Variants in TBCA observed in about 807,000 individuals in gnomAD.
TBCA encodes tubulin-specific chaperone A.
TBCA carries 6 observed loss-of-function variants against 15.8 expected under a neutral mutation model. The ratio of observed to expected loss-of-function variants is 0.38; its 90% confidence interval spans 0.21 to 0.75. The LOEUF is 0.75. TBCA is among the 30% of genes least tolerant of loss of function. The probability of loss-of-function intolerance (pLI) is 0.46; values close to 1 mark genes in which losing one functional copy is unlikely to be tolerated. For missense variants in TBCA, 90 were observed against 131.2 expected, an observed-to-expected ratio of 0.69 and a Z score of 1.53; for synonymous variants, 32 against 42.3, an observed-to-expected ratio of 0.76 and a Z score of 0.94.
At chr5:77,720,024 T>C (rs887315487) in intron 1 of TBCA, among the ~76,000 whole-genome samples, 2 of 152,164 alleles carry the variant, frequency 1.3e-5, no homozygotes, top group Admixed American at 1.3e-4. Flanking sequence ...TCCAGACCCA[T>C]ATCTCTAACT....
chr5:77,704,739 A>G (rs1746108262), intron 2 of TBCA, among the ~76,000 whole-genome samples: 1 of 152,244 alleles, frequency 6.6e-6, no homozygotes, highest in Non-Finnish European at 1.5e-5. Context: ...AAATGTATGT[A>G]GGTTGGCTAA....
At chr5:77,758,162 AG>A (rs1747520481) in intron 1 of TBCA, among the ~76,000 whole-genome samples, 1 of 152,128 alleles carries the variant, frequency 6.6e-6, no homozygotes, top group Non-Finnish European at 1.5e-5. Context: ...ATGAGGGAAG[AG>A]AGAGACCCTC....
At chr5:77,763,769 T>C (rs1747707903) in intron 1 of TBCA, among the ~76,000 whole-genome samples, 1 of 152,146 alleles carries the variant, frequency 6.6e-6, no homozygotes, top group Non-Finnish European at 1.5e-5. Context: ...GAGAAATAAA[T>C]TCTATCATTT....
At chr5:77,730,076 ATT>A in intron 1 of TBCA, among the ~76,000 whole-genome samples, 1 of 152,352 alleles carries the variant, frequency 6.6e-6, no homozygotes, top group African/African-American at 2.4e-5. Context: ...AAGCTTGGAT[ATT>A]CTGAAAGACT....
intron 1 of TBCA, among the ~76,000 whole-genome samples, chr5:77,767,092 A>G (rs1285360056): frequency 6.6e-6 from 1 of 152,258 alleles, no homozygotes; most frequent in East Asian, 1.9e-4. Flanking sequence ...ATACTATACT[A>G]GTAATGTAAG....
chr5:77,774,878 C>G (rs1435109181), intron 1 of TBCA, among the ~76,000 whole-genome samples: 3 of 151,786 alleles, frequency 2.0e-5, no homozygotes, highest in Non-Finnish European at 4.4e-5. Context: ...AAATAAATCT[C>G]AGGACCCCAA....
intron 1 of TBCA, among the ~76,000 whole-genome samples, chr5:77,734,812 A>G (rs1746859503): frequency 6.6e-6 from 1 of 152,186 alleles, no homozygotes; most frequent in South Asian, 2.1e-4. Context: ...CAATGCAGCA[A>G]TCTTCATTGT....
intron 2 of TBCA, among the ~76,000 whole-genome samples, chr5:77,701,132 G>A (rs1037720616): frequency 1.3e-5 from 2 of 152,072 alleles, no homozygotes; most frequent in South Asian, 4.1e-4. Context: ...GACAACCATA[G>A]AGTGGGAGAA....
intron 1 of TBCA, among the ~76,000 whole-genome samples, chr5:77,720,057 G>C (rs186673573): frequency 6.6e-6 from 1 of 152,074 alleles, no homozygotes; most frequent in East Asian, 1.9e-4. Context: ...TCTCTATTTA[G>C]ACATCCCCAC....
At chr5:77,709,011 C>G (rs1746214533) in intron 1 of TBCA, among the ~76,000 whole-genome samples, 1 of 144,928 alleles carries the variant, frequency 6.9e-6, no homozygotes, top group South Asian at 2.2e-4. Flanking sequence ...AATATGTCTT[C>G]CAAACCTTTA....
chr5:77,774,928 A>G (rs1478012422), intron 1 of TBCA, among the ~76,000 whole-genome samples: 2 of 151,622 alleles, frequency 1.3e-5, no homozygotes, highest in Non-Finnish European at 2.9e-5. Context: ...TGGGAATTGC[A>G]TCGAGCAAAC....
At chr5:77,763,551 T>TC (rs2112510790) in intron 1 of TBCA, among the ~76,000 whole-genome samples, 1 of 152,138 alleles carries the variant, frequency 6.6e-6, no homozygotes, top group Non-Finnish European at 1.5e-5. Context: ...GGAGATGGGG[T>TC]CTTTGGAAGG....
chr5:77,737,023 TTTGGGAATATAGGAGAATAACATC>T (rs1746924924), intron 1 of TBCA, among the ~76,000 whole-genome samples: 1 of 152,212 alleles, frequency 6.6e-6, no homozygotes, highest in African/African-American at 2.4e-5. Flanking sequence ...AGAAAAGACT[TTTGGGAATATAGGAGAATAACATC>T]CCAAAAAGTT....
At chr5:77,728,045 C>T (rs79227502) in intron 1 of TBCA, among the ~76,000 whole-genome samples, 2,351 of 152,150 alleles carry the variant, frequency 0.015, 52 homozygotes, top group African/African-American at 0.054. Context: ...TCATTCCCTC[C>T]TCAGAAGCAA....
At chr5:77,756,463 A>G (rs1446996339) in intron 1 of TBCA, among the ~76,000 whole-genome samples, 1 of 150,664 alleles carries the variant, frequency 6.6e-6, no homozygotes, top group Non-Finnish European at 1.5e-5. Flanking sequence ...AGCTGAGGAA[A>G]CACAATCTCT....
chr5:77,723,132 C>A (rs1228555958), intron 1 of TBCA, among the ~76,000 whole-genome samples: 2 of 151,554 alleles, frequency 1.3e-5, no homozygotes, highest in African/African-American at 4.8e-5. Context: ...ATTATAATGG[C>A]TGATGAAATG....
intron 1 of TBCA, among the ~76,000 whole-genome samples, chr5:77,749,175 C>G (rs907353367): frequency 3.9e-5 from 6 of 152,202 alleles, no homozygotes; most frequent in African/African-American, 1.4e-4. Context: ...CGCGAGAGAT[C>G]ACTTTTTAAT....
At chr5:77,746,102 G>C (rs909473868) in intron 1 of TBCA, among the ~76,000 whole-genome samples, 9 of 152,002 alleles carry the variant, frequency 5.9e-5, no homozygotes, top group African/African-American at 2.2e-4. Flanking sequence ...TCGGCCTTTA[G>C]AGATATCTGA....
At chr5:77,704,147 A>G (rs966498138) in intron 2 of TBCA, among the ~76,000 whole-genome samples, 11 of 152,150 alleles carry the variant, frequency 7.2e-5, no homozygotes, top group African/African-American at 1.7e-4. Context: ...ATATAGCAGT[A>G]TGAAAATGGA....
Sources: allele counts gnomAD v4.1 joint callset (sites outside exome capture counted in the v4.1 genomes callset), GRCh38; gene constraint gnomAD v4.1.1; transcripts MANE v1.5; gene names NCBI Gene and HGNC (gene_info 2026-07-23, HGNC 2026-07-21).